The following TMPPE variants were observed in gnomAD, a reference collection of about 807,000 sequenced individuals.
TMPPE encodes the protein transmembrane protein with metallophosphoesterase domain.
In TMPPE, 16 loss-of-function variants were observed where a neutral mutation model predicts 22.6. The ratio of observed to expected loss-of-function variants is 0.71; its 90% CI spans 0.48 to 1.08. The LOEUF (loss-of-function observed/expected upper bound fraction) is 1.08, where lower values mean the gene tolerates loss of function less well. TMPPE is among the 50% of genes least tolerant of loss of function. The pLI, the probability that TMPPE is intolerant of heterozygous loss-of-function variation, is 0.00. For missense variants in TMPPE, 526 were observed against 584.3 expected, an observed-to-expected ratio of 0.90 and a Z score of 1.03; for synonymous variants, 240 against 245.3, an observed-to-expected ratio of 0.98 and a Z score of 0.20.
At position 33,091,563 on chromosome 3, in the gene TMPPE, TG is replaced by T; in HGVS notation, c.*1270del. On this transcript the variant is annotated 3_prime_UTR_variant, in exon 2 of 2. Coordinates refer to ENST00000342462, the MANE Select transcript of TMPPE (RefSeq NM_001039770.3). Reference sequence around the variant, plus strand: ...TGAAAAATTAACATTGAGTGTTTACTGTGCACGCTGTGCCATGTGGAACTCA... The same window carrying T: ...TGAAAAATTAACATTGAGTGTTTACTTGCACGCTGTGCCATGTGGAACTCA... The T allele has an allele frequency of 1.0e-6, 1 of 985,512 alleles. No individual in the cohort carries two copies. Among genetic ancestry groups the T allele is most frequent in the Non-Finnish European group, 1.2e-6 (1 of 829,952 alleles). 61.0% of individuals were successfully genotyped at this position (985,512 alleles called of 1,614,324 possible).
rs578140443 is a variant in TMPPE at position 33,092,564 on chromosome 3, T to A, written c.*270A>T. The A allele has an allele frequency of 8.3e-7, 1 of 1,209,250 alleles. No individual in the cohort carries two copies. Among genetic ancestry groups the A allele is most frequent in the Non-Finnish European group, 1.0e-6 (1 of 970,444 alleles). The allele number at this position is 1,209,250 out of a possible 1,614,324, so 74.9% of individuals were successfully genotyped here. On this transcript the variant is annotated 3_prime_UTR_variant, in exon 2 of 2. Coordinates refer to ENST00000342462, the MANE Select transcript of TMPPE (RefSeq NM_001039770.3). Reference sequence around the variant, plus strand: ...AGGAGAAGGTCCCCATTCCACATCATCTGGAAAATAGAGGGGAGTGCTAAT... The same window carrying A: ...AGGAGAAGGTCCCCATTCCACATCAACTGGAAAATAGAGGGGAGTGCTAAT...
At position 33,097,005 on chromosome 3, in the gene TMPPE, A is replaced by C; in HGVS notation, c.-395T>G. 1 of 1,611,506 alleles carries C rather than the reference A, an allele frequency of 6.2e-7. No individual in the cohort carries two copies. Among genetic ancestry groups the C allele is most frequent in the Non-Finnish European group, 8.5e-7 (1 of 1,178,676 alleles). On this transcript the variant is annotated 5_prime_UTR_variant, in exon 1 of 2. Transcript: ENST00000342462. ...GCCTCCCCGTACCCGGGTCCCGCAG[A>C]CTTACGCGCAAGCCGCGCGTAGGGC...
At position 33,091,159 on chromosome 3, in the gene TMPPE, G is replaced by C; in HGVS notation, c.*1675C>G. The C allele has an allele frequency of 1.0e-6, 1 of 985,446 alleles. No individual in the cohort carries two copies. The highest frequency in any genetic ancestry group is 1.2e-6 in the Non-Finnish European group (1 of 829,968). The allele number at this position is 985,446 out of a possible 1,614,324, so 61.0% of individuals were successfully genotyped here. Reference sequence around the variant, plus strand: ...AAAATGCGGTCGGGACACAAGAAAAGTGAGTTTGGAAGGACAGTGAAGAGA... The same window carrying C: ...AAAATGCGGTCGGGACACAAGAAAACTGAGTTTGGAAGGACAGTGAAGAGA... On this transcript the variant is annotated 3_prime_UTR_variant, in exon 2 of 2. Coordinates refer to ENST00000342462, the MANE Select transcript of TMPPE (RefSeq NM_001039770.3).
In TMPPE at chr3:33,091,226, T is replaced by C; in HGVS notation, c.*1608A>G. The C allele has an allele frequency of 2.0e-6, 2 of 985,390 alleles. No individual in the cohort carries two copies. Among genetic ancestry groups the C allele is most frequent in the Non-Finnish European group, 2.4e-6 (2 of 829,942 alleles). The allele number at this position is 985,390 out of a possible 1,614,324, so 61.0% of individuals were successfully genotyped here. ...AACCACCAAAATTTCAACTCAAAGA[T>C]ACATTTTAAACTGCATGGTATGGCC... On this transcript the variant is annotated 3_prime_UTR_variant, in exon 2 of 2. Coordinates refer to ENST00000342462, the MANE Select transcript of TMPPE (RefSeq NM_001039770.3).
chr3:33,092,529 G>A lies in TMPPE; in HGVS notation c.*305C>T. On this transcript the variant is annotated 3_prime_UTR_variant, in exon 2 of 2. Coordinates refer to ENST00000342462, the MANE Select transcript of TMPPE (RefSeq NM_001039770.3). ...AACCCCGAGGGGAGGTTCATCCCTG[G>A]GAGCTCTGCAGGAGAAGGTCCCCAT... is the stretch of plus-strand genomic sequence containing the variant. 1 of 1,135,824 alleles carries A rather than the reference G, an allele frequency of 8.8e-7. No homozygotes were observed. The highest frequency in any genetic ancestry group is 3.8e-5 in the South Asian group (1 of 26,526). 70.4% of individuals were successfully genotyped at this position (1,135,824 alleles called of 1,614,324 possible). A position where few individuals can be genotyped will look rare whatever the true frequency, so the allele number is the denominator to read the frequency against.
chr3:33,092,871 G>A lies in TMPPE; in HGVS notation c.1325C>T (p.Ala442Val), dbSNP rs1299580234. The change falls in exon 2 of 2, where the codon GCC becomes GTC. Residue 442 changes from alanine to valine, a missense_variant. By Grantham distance (64) the Ala-to-Val change is moderately conservative. Transcript: ENST00000342462. ...YGIPMRLGSR[A>V]EITELILQRS... ...CTGCAGGATGAGCTCTGTGATCTCGGCCCTGCTACCCAGCCTCATGGGTAT... is the reference window on the plus strand; with the variant it reads ...CTGCAGGATGAGCTCTGTGATCTCGACCCTGCTACCCAGCCTCATGGGTAT... 6.2e-7 allele frequency: 1 copy of A among 1,612,338 alleles called. No individual in the cohort carries two copies. The highest frequency in any genetic ancestry group is 2.2e-5 in the East Asian group (1 of 44,852).
intron 1 of TMPPE, 188 bp downstream of exon 1, chr3:33,096,531 G>T (rs1701035909): frequency 1.0e-6 from 1 of 985,214 alleles, no homozygotes; most frequent in Admixed American, 6.2e-5. Context: ...AGAGCACCCA[G>T]AGGGGAAATA....
At position 33,092,746 on chromosome 3, in the gene TMPPE, C is replaced by A; in HGVS notation, c.*88G>T. 5 of 1,512,318 alleles carry A rather than the reference C, an allele frequency of 3.3e-6. No individual in the cohort carries two copies. The highest frequency in any genetic ancestry group is 4.4e-6 in the Non-Finnish European group (5 of 1,132,752). 93.7% of individuals were successfully genotyped at this position (1,512,318 alleles called of 1,614,324 possible). A position where few individuals can be genotyped will look rare whatever the true frequency, so the allele number is the denominator to read the frequency against. ...TGTAGGCAAGGATGAGTGGGCAAGG[C>A]TGGAGGGGAAAAGCAGGCAAACCAC... On this transcript the variant is annotated 3_prime_UTR_variant, in exon 2 of 2. Transcript: ENST00000342462.
Position 33,092,525 on chromosome 3 carries a change from C to T in TMPPE, c.*309G>A. 1.8e-6 allele frequency: 2 copies of T among 1,129,496 alleles called. No homozygotes were observed. The highest frequency in any genetic ancestry group is 2.2e-6 in the Non-Finnish European group (2 of 920,598). 70.0% of individuals were successfully genotyped at this position (1,129,496 alleles called of 1,614,324 possible). A position where few individuals can be genotyped will look rare whatever the true frequency, so the allele number is the denominator to read the frequency against. On this transcript the variant is annotated 3_prime_UTR_variant, in exon 2 of 2. Transcript: ENST00000342462. ...TAGCAACCCCGAGGGGAGGTTCATC[C>T]CTGGGAGCTCTGCAGGAGAAGGTCC... is the stretch of plus-strand genomic sequence containing the variant.
At position 33,094,209 on chromosome 3, in the gene TMPPE, A is replaced by G; in HGVS notation, c.-14T>C. 1 of 1,582,582 alleles carries G rather than the reference A, an allele frequency of 6.3e-7. No homozygotes were observed. The highest frequency in any genetic ancestry group is 8.6e-7 in the Non-Finnish European group (1 of 1,161,676). On this transcript the variant is annotated 5_prime_UTR_variant, in exon 2 of 2. Transcript: ENST00000342462. ...GAAGATGGCCATTTTCTCTGCTCCT[A>G]GTAGGCTCCCCCACCAGTTCTGTGC...
At position 33,096,956 on chromosome 3, in the gene TMPPE, C is replaced by G; in HGVS notation, c.-346G>C. The G allele has an allele frequency of 3.8e-6, 6 of 1,589,196 alleles. No individual in the cohort carries two copies. Among genetic ancestry groups the G allele is most frequent in the Non-Finnish European group, 5.1e-6 (6 of 1,168,968 alleles). ...GGTGGCTGCGACCCCAGCCCGGTTC[C>G]CCGCCAGCCTGTCCCCTAGCAATGC... On this transcript the variant is annotated 5_prime_UTR_variant, in exon 1 of 2. Transcript: ENST00000342462.
chr3:33,091,294 T>A lies in TMPPE; in HGVS notation c.*1540A>T, dbSNP rs1700749598. ...CTGCCTGGGAACAAAAAGGGTGGTC[T>A]CCAGATCCCCCAGAACCCCACTATA... On this transcript the variant is annotated 3_prime_UTR_variant, in exon 2 of 2. Coordinates refer to ENST00000342462, the MANE Select transcript of TMPPE (RefSeq NM_001039770.3). 2 of 985,424 alleles carry A rather than the reference T, an allele frequency of 2.0e-6. No individual in the cohort carries two copies. Among genetic ancestry groups the A allele is most frequent in the Middle Eastern group, 5.2e-4 (1 of 1,914 alleles). The allele number at this position is 985,424 out of a possible 1,614,324, so 61.0% of individuals were successfully genotyped here.
At position 33,093,106 on chromosome 3, in the gene TMPPE, T is replaced by C. The variant is rs115958137; in HGVS notation, c.1090A>G (p.Ile364Val). The C allele has an allele frequency of 9.3e-3, 14,983 of 1,614,156 alleles. 554 individuals carry two copies. In the Admixed American group the frequency reaches 0.12, roughly 13 times the overall value. The change falls in exon 2 of 2, where the codon ATC (isoleucine) becomes GTC (valine). Residue 364 changes from isoleucine (I) to valine (V), a missense_variant. Ile to Val is a conservative substitution (Grantham distance 29, BLOSUM62 3). Transcript: ENST00000342462. This position sits in a 1 kb window ranked among gnomAD's most constrained non-coding sequence, Gnocchi z 6.0. ...ALEGCSPDHT[I>V]ILLAHQPLAA... ...AGGGGCTGGTGAGCTAGCAAGATGA[T>C]TGTGTGGTCTGGGCTGCAGCCCTCC...
At chr3:33,094,351 T>C in intron 1 of TMPPE, 48 bp from the exon 2 acceptor site, 1 of 1,403,526 alleles carries the variant, frequency 7.1e-7, no homozygotes, top group South Asian at 1.9e-5. Flanking sequence ...AGAGTGTCCT[T>C]GTACCCATTC....
intron 1 of TMPPE, chr3:33,096,356 C>T (rs1361291301): frequency 2.0e-6 from 2 of 979,156 alleles, no homozygotes; most frequent in Non-Finnish European, 2.4e-6. Context: ...CCTCGCCAGC[C>T]CTGCCCCGAT....
rs987707141 is a variant in TMPPE, at chr3:33,097,020, G to A, written c.-410C>T. The A allele has an allele frequency of 3.7e-6, 6 of 1,612,116 alleles. No individual in the cohort carries two copies. The highest frequency in any genetic ancestry group is 5.1e-6 in the Non-Finnish European group (6 of 1,178,964). On this transcript the variant is annotated 5_prime_UTR_variant, in exon 1 of 2. Coordinates refer to ENST00000342462, the MANE Select transcript of TMPPE (RefSeq NM_001039770.3). ...GGTCCCGCAGACTTACGCGCAAGCC[G>A]CGCGTAGGGCCCAGAAGCAGCAGAA...
intron 1 of TMPPE, among the ~76,000 whole-genome samples, chr3:33,096,045 A>C (rs961230725): frequency 6.6e-6 from 1 of 152,196 alleles, no homozygotes; most frequent in Admixed American, 6.5e-5. Flanking sequence ...TGCCCTAGGC[A>C]CGTTATTGAA....
Position 33,092,541 on chromosome 3 carries a change from G to C in TMPPE, c.*293C>G, listed in dbSNP as rs1004929675. On this transcript the variant is annotated 3_prime_UTR_variant, in exon 2 of 2. Coordinates refer to ENST00000342462, the MANE Select transcript of TMPPE (RefSeq NM_001039770.3). Reference sequence around the variant, plus strand: ...AGGTTCATCCCTGGGAGCTCTGCAGGAGAAGGTCCCCATTCCACATCATCT... The same window carrying C: ...AGGTTCATCCCTGGGAGCTCTGCAGCAGAAGGTCCCCATTCCACATCATCT... 1 of 1,165,104 alleles carries C rather than the reference G, an allele frequency of 8.6e-7. No homozygotes were observed. Among genetic ancestry groups the C allele is most frequent in the Non-Finnish European group, 1.1e-6 (1 of 942,562 alleles). The allele number at this position is 1,165,104 out of a possible 1,614,324, so 72.2% of individuals were successfully genotyped here.
In TMPPE at chr3:33,090,956, A is replaced by T. The variant is rs986327652; in HGVS notation, c.*1878T>A. 28 of 985,290 alleles carry T rather than the reference A, an allele frequency of 2.8e-5. No homozygotes were observed. Among genetic ancestry groups the T allele is most frequent in the South Asian group, 4.7e-5 (1 of 21,288 alleles). 61.0% of individuals were successfully genotyped at this position (985,290 alleles called of 1,614,324 possible). ...AAAAAATAGGACTTAATGAAAGCTA[A>T]TTTCATCAAGCCCAGGTCACTGATG... On this transcript the variant is annotated 3_prime_UTR_variant, in exon 2 of 2. Transcript: ENST00000342462.
Sources: gnomAD v4.1 joint callset for allele counts (sites outside exome capture counted in the v4.1 genomes callset) on GRCh38, gnomAD v4.1.1 for gene constraint, Gnocchi (gnomAD v3.1) non-coding constraint, MANE v1.5 for transcripts, NCBI Gene and HGNC (gene_info 2026-07-23, HGNC 2026-07-21) for gene names.